CDC42SE2: variants seen among roughly 807,000 people sequenced by gnomAD.
CDC42SE2 encodes CDC42 small effector protein 2.
Under a neutral mutation model 11.5 loss-of-function variants are expected in CDC42SE2, and 3 were observed. The ratio of observed to expected loss-of-function variants is 0.26; its 90% confidence interval spans 0.12 to 0.67. The LOEUF (loss-of-function observed/expected upper bound fraction) is 0.67. Among genes scored for constraint, CDC42SE2 ranks in the 30% least tolerant of loss-of-function variants. The pLI, the probability that CDC42SE2 is intolerant of heterozygous loss-of-function variation, is 0.80. For missense variants in CDC42SE2, 82 were observed against 106.8 expected (o/e 0.77, Z 1.02); for synonymous variants, 33 against 34.8 (o/e 0.95, Z 0.18).
intron 2 of CDC42SE2, among the ~76,000 whole-genome samples, chr5:131,331,004 T>G (rs1758410088): frequency 6.6e-6 from 1 of 151,984 alleles, no homozygotes; most frequent in Admixed American, 6.6e-5. Context: ...GCAGCCTGGG[T>G]AACAGAGCGA....
At chr5:131,297,333 T>C (rs778599705) in intron 1 of CDC42SE2, among the ~76,000 whole-genome samples, 57 of 152,110 alleles carry the variant, frequency 3.7e-4, no homozygotes, top group Non-Finnish European at 6.6e-4. Context: ...ACATAAGGCG[T>C]TAAGAAACCT....
chr5:131,284,907 C>G (rs189234012), intron 1 of CDC42SE2, among the ~76,000 whole-genome samples: 1 of 152,084 alleles, frequency 6.6e-6, no homozygotes, highest in East Asian at 1.9e-4. Context: ...TTAGTCCCAG[C>G]TACATGGGAG....
intron 1 of CDC42SE2, among the ~76,000 whole-genome samples, chr5:131,287,274 C>T (rs1219550761): frequency 9.9e-5 from 15 of 151,964 alleles, no homozygotes; most frequent in African/African-American, 3.4e-4. Flanking sequence ...GGATTACAGG[C>T]GTGAGTCACC....
intron 1 of CDC42SE2, among the ~76,000 whole-genome samples, chr5:131,276,294 A>AAG (rs1554094909): frequency 6.6e-6 from 1 of 150,912 alleles, no homozygotes; most frequent in Admixed American, 6.6e-5. Flanking sequence ...AAAAAAAAAA[A>AAG]AAATAGAAAA....
intron 1 of CDC42SE2, among the ~76,000 whole-genome samples, chr5:131,313,031 G>A (rs938751390): frequency 2.6e-5 from 4 of 151,366 alleles, no homozygotes; most frequent in African/African-American, 7.3e-5. Flanking sequence ...CACCCAGGCT[G>A]TAGTGCAGTG....
At chr5:131,224,915 C>G in the CDC42SE2 span, among the ~76,000 whole-genome samples, 5 of 151,936 alleles carry the variant, frequency 3.3e-5, no homozygotes, top group South Asian at 1.0e-3. Flanking sequence ...ATCAGGCCAG[C>G]AGCAGCCCAT....
intron 2 of CDC42SE2, among the ~76,000 whole-genome samples, chr5:131,319,726 A>G (rs1337333200): frequency 6.6e-6 from 1 of 152,210 alleles, no homozygotes; most frequent in Non-Finnish European, 1.5e-5. Flanking sequence ...GGAAAAAAAT[A>G]AGGAAGATTA....
the CDC42SE2 span, among the ~76,000 whole-genome samples, chr5:131,220,435 G>A: frequency 6.6e-6 from 1 of 152,122 alleles, no homozygotes; most frequent in Admixed American, 6.6e-5. Flanking sequence ...TCGATCTCCT[G>A]ACCTCGTGAT....
intron 1 of CDC42SE2, among the ~76,000 whole-genome samples, chr5:131,286,598 G>A (rs1475691770): frequency 6.6e-6 from 1 of 151,528 alleles, no homozygotes; most frequent in Non-Finnish European, 1.5e-5. Flanking sequence ...TTACATGTAG[G>A]CTTTCTTTAG....
At chr5:131,340,509 G>A (rs1330220526) in intron 2 of CDC42SE2, among the ~76,000 whole-genome samples, 4 of 152,178 alleles carry the variant, frequency 2.6e-5, no homozygotes, top group African/African-American at 4.8e-5. Context: ...TTTTAACAGC[G>A]TATCTGGGTG....
At chr5:131,253,690 A>G (rs1036072252) in intron 1 of CDC42SE2, among the ~76,000 whole-genome samples, 41 of 152,138 alleles carry the variant, frequency 2.7e-4, no homozygotes, top group African/African-American at 9.7e-4. Context: ...GCTTGAACCC[A>G]GGAGGCGGAG....
the CDC42SE2 span, among the ~76,000 whole-genome samples, chr5:131,228,485 T>C: frequency 6.6e-6 from 1 of 152,362 alleles, no homozygotes; most frequent in East Asian, 1.9e-4. Context: ...AGTCTTTGAC[T>C]TCTGTGAGAT....
chr5:131,212,880 G>C, the CDC42SE2 span, among the ~76,000 whole-genome samples: 1 of 152,056 alleles, frequency 6.6e-6, no homozygotes, highest in Non-Finnish European at 1.5e-5. Context: ...TGATAGACCA[G>C]CACATTGTAT....
Position 131,354,940 on chromosome 5 carries a change from C to T in CDC42SE2, c.-285-4269C>T, listed in dbSNP as rs543616889. Among the ~76,000 whole-genome samples, 15 of 152,262 alleles carry T rather than the reference C, an allele frequency of 9.9e-5. No individual in the cohort carries two copies. In the South Asian group the frequency reaches 2.5e-3, roughly 25 times the overall value. ...TCACACAATCCTCATGCTTCAGCTG[C>T]GCCAAATGTTGGGACTACAGGTGTG... is the stretch of plus-strand genomic sequence containing the variant. On this transcript the variant is annotated intron_variant, in intron 2 of 4. Coordinates refer to ENST00000505065, the MANE Select transcript of CDC42SE2 (RefSeq NM_001375635.1).
chr5:131,331,368 T>C (rs1580758246), intron 2 of CDC42SE2, among the ~76,000 whole-genome samples: 1 of 152,192 alleles, frequency 6.6e-6, no homozygotes, highest in South Asian at 2.1e-4. Flanking sequence ...AACATAATTA[T>C]AATTTAAAAT....
At chr5:131,327,473 T>C (rs573368288) in intron 2 of CDC42SE2, among the ~76,000 whole-genome samples, 1 of 152,352 alleles carries the variant, frequency 6.6e-6, no homozygotes, top group East Asian at 1.9e-4. Context: ...CTTCCAAATG[T>C]GCAGTTAGTG....
At position 131,321,328 on chromosome 5, in the gene CDC42SE2, A is replaced by T. The variant is rs1758182096; in HGVS notation, c.-286+5184A>T. The stretch of plus-strand genomic sequence containing the variant: ...GATGACCTATATCAGTATGATACAA[A>T]TGCAGCCTTTAAAACTTAAAAGAGG... On this transcript the variant is annotated intron_variant, in intron 2 of 4. Coordinates refer to ENST00000505065, the MANE Select transcript of CDC42SE2 (RefSeq NM_001375635.1). Among the ~76,000 whole-genome samples the T allele has an allele frequency of 5.3e-5, 8 of 152,330 alleles. No homozygotes were observed. In the South Asian group the frequency reaches 1.7e-3, roughly 32 times the overall value.
At chr5:131,337,479 A>T (rs1758601304) in intron 2 of CDC42SE2, among the ~76,000 whole-genome samples, 1 of 152,182 alleles carries the variant, frequency 6.6e-6, no homozygotes, top group Non-Finnish European at 1.5e-5. Context: ...TGGGAAAACC[A>T]CTACTCTCTT....
At chr5:131,215,118 T>C in the CDC42SE2 span, among the ~76,000 whole-genome samples, 1 of 152,284 alleles carries the variant, frequency 6.6e-6, no homozygotes, top group Middle Eastern at 3.4e-3. Context: ...GGTGAGTTCA[T>C]TAAATAAATG....
Sources: allele counts gnomAD v4.1 joint callset (sites outside exome capture counted in the v4.1 genomes callset), GRCh38; gene constraint gnomAD v4.1.1; transcripts MANE v1.5; gene names NCBI Gene and HGNC (gene_info 2026-07-23, HGNC 2026-07-21).